The following TFPI variants were observed in gnomAD, a reference collection of about 807,000 sequenced individuals.
The protein encoded by TFPI is anti-convertin.
TFPI carries 15 observed loss-of-function variants against 34.6 expected under a neutral mutation model. The ratio of observed to expected loss-of-function variants is 0.43; its 90% CI spans 0.29 to 0.67. The LOEUF is 0.67. Among genes scored for constraint, TFPI ranks in the 30% least tolerant of loss-of-function variants. The pLI is 0.15. For missense variants in TFPI, 301 were observed against 364.0 expected (o/e 0.83, Z 1.41); for synonymous variants, 105 against 120.1 (o/e 0.87, Z 0.82).
intron 1 of TFPI, chr2:187,518,161 G>A (rs1167421468): frequency 3.9e-5 from 6 of 152,218 alleles, no homozygotes; most frequent in Non-Finnish European, 7.3e-5. Context: ...ATATTGCTAT[G>A]TGTGAATTTG....
At position 187,547,553 on chromosome 2, in the gene TFPI, T is replaced by C. The variant is rs1215747159; in HGVS notation, c.-3+6647A>G. On this transcript the variant is annotated intron_variant, in intron 1 of 7. Transcript: ENST00000233156. ...ACAACCATCTGCCCAGATGACATCG[T>C]GATCAACTCCTCTGAATCACTCTAA... 3 of 152,116 alleles carry C rather than the reference T, an allele frequency of 2.0e-5. No homozygotes were observed. The East Asian group carries it at 5.8e-4, about 29-fold the overall frequency. The allele number at this position is 152,116 out of a possible 1,614,324, so 9.4% of individuals were successfully genotyped here. A position where few individuals can be genotyped will look rare whatever the true frequency, so the allele number is the denominator to read the frequency against.
chr2:187,483,786 A>G, intron 6 of TFPI: 1 of 270,194 alleles, frequency 3.7e-6, no homozygotes, highest in South Asian at 4.7e-5. Flanking sequence ...CTGCTGTGCC[A>G]GTACAATGAT....
At chr2:187,512,660 A>T (rs1483924657) in intron 1 of TFPI, among the ~76,000 whole-genome samples, 4 of 152,200 alleles carry the variant, frequency 2.6e-5, no homozygotes, top group Non-Finnish European at 5.9e-5. Context: ...ACAGTGTAAC[A>T]TATATTATAG....
In TFPI at chr2:187,484,206, G is replaced by T; in HGVS notation, c.546C>A (p.Phe182Leu). The stretch of plus-strand genomic sequence containing the variant: ...GCTGGGTTCCATAATTATCCACCTG[G>T]AAACCATTCGCTGGAAAAAAATACA... ...KNICEDGPNG[F>L]QVDNYGTQLN... is the part of the protein sequence containing the mutation. The change falls in exon 6 of 8, where the codon TTC (phenylalanine) becomes TTA (leucine). Residue 182 changes from phenylalanine to leucine, a missense_variant. Phe to Leu is a conservative substitution (Grantham distance 22). Coordinates refer to ENST00000233156, the MANE Select transcript of TFPI (RefSeq NM_006287.6). 6.2e-7 allele frequency: 1 copy of T among 1,610,664 alleles called. No individual in the cohort carries two copies. Among genetic ancestry groups the T allele is most frequent in the East Asian group, 2.2e-5 (1 of 44,818 alleles).
intron 1 of TFPI, among the ~76,000 whole-genome samples, chr2:187,545,383 G>A (rs1688805708): frequency 6.6e-6 from 1 of 152,128 alleles, no homozygotes; most frequent in Non-Finnish European, 1.5e-5. Context: ...AGCTAAAATG[G>A]AGATGAGGTC....
chr2:187,483,172 T>A (rs2106007164), intron 6 of TFPI, among the ~76,000 whole-genome samples: 1 of 152,096 alleles, frequency 6.6e-6, no homozygotes, highest in East Asian at 1.9e-4. Context: ...TTTGTTTGTT[T>A]GTTGTAAAGA....
At chr2:187,495,257 G>A (rs1337479539) in intron 3 of TFPI, among the ~76,000 whole-genome samples, 1 of 152,172 alleles carries the variant, frequency 6.6e-6, no homozygotes, top group Non-Finnish European at 1.5e-5. Flanking sequence ...GAGGCCAGTT[G>A]ATGAAAATAA....
At chr2:187,522,250 A>G (rs1687418467) in intron 1 of TFPI, among the ~76,000 whole-genome samples, 1 of 152,006 alleles carries the variant, frequency 6.6e-6, no homozygotes, top group Non-Finnish European at 1.5e-5. Context: ...TGTTGCTTGT[A>G]CTTTTGGTCT....
chr2:187,481,773 T>G (rs1030385029), intron 6 of TFPI, among the ~76,000 whole-genome samples: 2 of 151,898 alleles, frequency 1.3e-5, no homozygotes, highest in African/African-American at 2.4e-5. Context: ...AATAAAACAG[T>G]TTTTTAGACA....
At chr2:187,477,016 A>AT (rs546378490) in intron 6 of TFPI, among the ~76,000 whole-genome samples, 260 of 152,036 alleles carry the variant, frequency 1.7e-3, no homozygotes, top group Non-Finnish European at 2.8e-3. Context: ...GAAGTCTGTG[A>AT]TTTTTTTTCC....
intron 4 of TFPI, among the ~76,000 whole-genome samples, chr2:187,486,399 TA>T (rs1258555497): frequency 6.6e-6 from 1 of 151,420 alleles, no homozygotes; most frequent in East Asian, 1.9e-4. Flanking sequence ...ATATTGCATA[TA>T]AAAAACATAA....
At chr2:187,506,804 T>C (rs2106136416) in intron 1 of TFPI, among the ~76,000 whole-genome samples, 1 of 152,234 alleles carries the variant, frequency 6.6e-6, no homozygotes, top group South Asian at 2.1e-4. Flanking sequence ...ACTACCAACA[T>C]AATTTATGAC....
At chr2:187,522,973 A>G (rs940174252) in intron 1 of TFPI, among the ~76,000 whole-genome samples, 2 of 151,888 alleles carry the variant, frequency 1.3e-5, no homozygotes, top group African/African-American at 4.8e-5. Context: ...AAGGTGTTGA[A>G]TATGTCTATT....
At chr2:187,550,928 C>A (rs777777510) in intron 1 of TFPI, among the ~76,000 whole-genome samples, 2 of 151,960 alleles carry the variant, frequency 1.3e-5, no homozygotes, top group African/African-American at 2.4e-5. Flanking sequence ...TCATAGAATT[C>A]AAGGACTGGA....
chr2:187,510,758 C>T (rs1169788817), intron 1 of TFPI, among the ~76,000 whole-genome samples: 1 of 152,168 alleles, frequency 6.6e-6, no homozygotes. Flanking sequence ...CACGTACCCC[C>T]TGCTTGCTCA....
chr2:187,540,477 A>G (rs912465590), intron 1 of TFPI, among the ~76,000 whole-genome samples: 6 of 152,200 alleles, frequency 3.9e-5, no homozygotes, highest in Admixed American at 3.9e-4. Context: ...AACTTCTGAA[A>G]ACTTGGAAAG....
At chr2:187,511,357 G>A (rs1686618891) in intron 1 of TFPI, among the ~76,000 whole-genome samples, 1 of 152,144 alleles carries the variant, frequency 6.6e-6, no homozygotes, top group South Asian at 2.1e-4. Context: ...GTTTTGACCT[G>A]GCTTGGATTT....
intron 1 of TFPI, among the ~76,000 whole-genome samples, chr2:187,534,031 A>G (rs181981649): frequency 9.2e-5 from 14 of 152,310 alleles, no homozygotes; most frequent in Non-Finnish European, 1.6e-4. Context: ...AAAGAATGAA[A>G]AGGAATGAAG....
intron 2 of TFPI, among the ~76,000 whole-genome samples, chr2:187,498,972 G>A (rs1033635078): frequency 4.6e-5 from 7 of 151,882 alleles, no homozygotes; most frequent in African/African-American, 1.7e-4. Flanking sequence ...AAAATATAAT[G>A]TTTGTGTTTA....
Sources: gnomAD v4.1 joint callset for allele counts (sites outside exome capture counted in the v4.1 genomes callset) on GRCh38, gnomAD v4.1.1 for gene constraint, MANE v1.5 for transcripts, NCBI Gene and HGNC (gene_info 2026-07-23, HGNC 2026-07-21) for gene names.